The following ADAM18 variants were observed in gnomAD, a reference collection of about 807,000 sequenced individuals.
The protein encoded by ADAM18 is disintegrin and metalloproteinase domain-containing protein 18.
Under a neutral mutation model 94.4 loss-of-function variants are expected in ADAM18, and 117 were observed. That is an observed-to-expected ratio of 1.24 (90% CI 1.07 to 1.45). ADAM18 has a LOEUF of 1.45. Ranked by LOEUF, ADAM18 falls within the 40% of genes most tolerant of loss-of-function variation. The pLI is 0.00. For missense variants in ADAM18, 936 were observed against 880.0 expected, an observed-to-expected ratio of 1.06 and a Z score of -0.81; for synonymous variants, 327 against 291.6, an observed-to-expected ratio of 1.12 and a Z score of -1.24.
At chr8:39,637,746 A>T in intron 9 of ADAM18, 43 bp downstream of exon 9, 1 of 1,435,058 alleles carries the variant, frequency 7.0e-7, no homozygotes, top group Non-Finnish European at 9.2e-7. Context: ...CTGCATAATT[A>T]TTTTAAATTG....
At chr8:39,668,220 A>G in intron 14 of ADAM18, 24 bp downstream of exon 14, 1 of 1,609,982 alleles carries the variant, frequency 6.2e-7, no homozygotes, top group Non-Finnish European at 8.5e-7. Context: ...TTTCGTATTT[A>G]TTTTACCTTA....
intron 17 of ADAM18, among the ~76,000 whole-genome samples, chr8:39,700,813 T>A (rs1822046148): frequency 6.6e-6 from 1 of 152,044 alleles, no homozygotes; most frequent in Admixed American, 6.6e-5. Flanking sequence ...ATTATATTTT[T>A]AACTTTTTTC....
chr8:39,590,655 G>T (rs1176913467), intron 2 of ADAM18, among the ~76,000 whole-genome samples: 1 of 152,200 alleles, frequency 6.6e-6, no homozygotes, highest in Non-Finnish European at 1.5e-5. Context: ...ATTTTGGGAA[G>T]AGGACATTTT....
intron 16 of ADAM18, 135 bp downstream of exon 16, chr8:39,680,361 T>A: frequency 1.2e-6 from 1 of 868,216 alleles, no homozygotes; most frequent in Non-Finnish European, 1.7e-6. Flanking sequence ...ATGTGATATT[T>A]AAATGATAAT....
intron 6 of ADAM18, among the ~76,000 whole-genome samples, chr8:39,616,464 C>G (rs984938251): frequency 2.6e-5 from 4 of 152,128 alleles, no homozygotes; most frequent in Non-Finnish European, 5.9e-5. Flanking sequence ...TTTACAGATT[C>G]AATGCTATTC....
chr8:39,591,447 C>T (rs13269541), intron 2 of ADAM18, among the ~76,000 whole-genome samples: 51,021 of 152,066 alleles, frequency 0.34, 9,565 homozygotes, highest in Non-Finnish European at 0.42. Flanking sequence ...TAACAGTATT[C>T]ACAGCATCTT....
Position 39,657,046 on chromosome 8 carries a change from A to G in ADAM18, c.1231-6749A>G, listed in dbSNP as rs190682004. Among the ~76,000 whole-genome samples the G allele has an allele frequency of 1.1e-4, 16 of 152,336 alleles. No individual in the cohort carries two copies. In the East Asian group the frequency reaches 3.1e-3, roughly 29 times the overall value. On this transcript the variant is annotated intron_variant, in intron 12 of 19. Transcript: ENST00000265707. ...GGTATATATAAAACATAAAACATTC[A>G]TATCATAATAGCAAAGAAAAGAAAG...
At chr8:39,637,019 T>TTATATATATA (rs35248371) in intron 7 of ADAM18, among the ~76,000 whole-genome samples, 10 of 54,846 alleles carry the variant, frequency 1.8e-4, no homozygotes, top group Non-Finnish European at 2.8e-4. Context: ...TGTGTGTATT[T>TTATATATATA]TATATATATA....
At chr8:39,607,129 A>G (rs1244078043) in intron 3 of ADAM18, among the ~76,000 whole-genome samples, 1 of 152,182 alleles carries the variant, frequency 6.6e-6, no homozygotes, top group African/African-American at 2.4e-5. Flanking sequence ...AACCTACTTT[A>G]CATGTAAAAT....
intron 6 of ADAM18, among the ~76,000 whole-genome samples, chr8:39,619,506 T>C (rs1819544403): frequency 6.6e-6 from 1 of 152,134 alleles, no homozygotes; most frequent in Non-Finnish European, 1.5e-5. Context: ...AGAAATCAAT[T>C]ATAAGAGAAA....
At chr8:39,669,772 C>T (rs1414348854) in intron 14 of ADAM18, among the ~76,000 whole-genome samples, 1 of 152,132 alleles carries the variant, frequency 6.6e-6, no homozygotes, top group East Asian at 1.9e-4. Flanking sequence ...CCACTATAAA[C>T]ATGCGTGTGC....
chr8:39,690,113 G>A (rs1415538074), intron 16 of ADAM18, among the ~76,000 whole-genome samples: 1 of 152,214 alleles, frequency 6.6e-6, no homozygotes, highest in African/African-American at 2.4e-5. Flanking sequence ...TTTGCGCTGA[G>A]AGGATGGTCC....
intron 2 of ADAM18, among the ~76,000 whole-genome samples, chr8:39,599,564 T>C (rs575296246): frequency 3.3e-5 from 5 of 152,098 alleles, no homozygotes; most frequent in South Asian, 2.1e-4. Context: ...TATATGTATA[T>C]ACACACACAC....
Position 39,723,831 on chromosome 8 carries a change from A to G in ADAM18, c.2101A>G (p.Ile701Val), listed in dbSNP as rs769209452. 5.1e-5 allele frequency: 81 copies of G among 1,587,738 alleles called. No individual in the cohort carries two copies. The highest frequency in any genetic ancestry group is 6.6e-5 in the Non-Finnish European group (77 of 1,166,402). ...TTTCTGCATTTTTCTGCCGTTTTTC[A>G]TAGTTTTCACCACTGTGATCTTTAA... The part of the protein sequence containing the change: ...LSFCIFLPFF[I>V]VFTTVIFKRN... The change falls in exon 19 of 20, where the codon ATA becomes GTA. Residue 701 changes from isoleucine (I) to valine (V), a missense_variant. Coordinates refer to ENST00000265707, the MANE Select transcript of ADAM18 (RefSeq NM_014237.3).
At chr8:39,667,004 A>G (rs1821007597) in intron 13 of ADAM18, among the ~76,000 whole-genome samples, 3 of 152,202 alleles carry the variant, frequency 2.0e-5, no homozygotes, top group Admixed American at 2.0e-4. Flanking sequence ...CTATTAGGTC[A>G]GGCCACCACA....
At chr8:39,653,738 T>G (rs546761776) in intron 12 of ADAM18, among the ~76,000 whole-genome samples, 1 of 152,344 alleles carries the variant, frequency 6.6e-6, no homozygotes, top group Admixed American at 6.5e-5. Flanking sequence ...TTGTACATAT[T>G]TTGGGGGTAC....
intron 2 of ADAM18, among the ~76,000 whole-genome samples, chr8:39,602,609 T>C (rs1239162658): frequency 6.6e-6 from 1 of 152,216 alleles, no homozygotes; most frequent in African/African-American, 2.4e-5. Context: ...TCCATCTGTA[T>C]ATCTTCTTTG....
At chr8:39,721,326 C>T (rs932769652) in intron 18 of ADAM18, among the ~76,000 whole-genome samples, 1 of 151,230 alleles carries the variant, frequency 6.6e-6, no homozygotes, top group Non-Finnish European at 1.5e-5. Context: ...TTACTGAAAA[C>T]CTTTTCTGGA....
intron 10 of ADAM18, among the ~76,000 whole-genome samples, chr8:39,639,616 G>T (rs1319979051): frequency 6.6e-6 from 1 of 151,844 alleles, no homozygotes; most frequent in East Asian, 1.9e-4. Flanking sequence ...CATTTGAATT[G>T]TGTCTTATTC....
Sources: gnomAD v4.1 joint callset for allele counts (sites outside exome capture counted in the v4.1 genomes callset) on GRCh38, gnomAD v4.1.1 for gene constraint, MANE v1.5 for transcripts, NCBI Gene and HGNC (gene_info 2026-07-23, HGNC 2026-07-21) for gene names.